SUGP1: variants seen among roughly 807,000 people sequenced by gnomAD.
SUGP1 encodes the protein SURP and G-patch domain-containing protein 1.
Under a neutral mutation model 76.5 loss-of-function variants are expected in SUGP1, and 34 were observed. That is an observed-to-expected ratio of 0.44 (90% CI 0.34 to 0.59). SUGP1 has a LOEUF of 0.59. SUGP1 is among the 20% of genes least tolerant of loss of function. The probability of loss-of-function intolerance (pLI) is 0.01; values close to 1 mark genes in which losing one functional copy is unlikely to be tolerated. For missense variants in SUGP1, 752 were observed against 851.7 expected, an observed-to-expected ratio of 0.88 and a Z score of 1.46; for synonymous variants, 326 against 326.2, an observed-to-expected ratio of 1.00 and a Z score of 0.01.
intron 8 of SUGP1, among the ~76,000 whole-genome samples, chr19:19,289,135 T>C (rs2061163049): frequency 6.6e-6 from 1 of 152,034 alleles, no homozygotes; most frequent in Non-Finnish European, 1.5e-5. Context: ...CCCCATGTTG[T>C]TCAAGGGACA....
intron 4 of SUGP1, 128 bp downstream of exon 4, chr19:19,305,721 G>C: frequency 1.1e-6 from 1 of 894,986 alleles, no homozygotes; most frequent in African/African-American, 1.7e-5. Flanking sequence ...GCTCAGCTCA[G>C]AGGTCTGGTG....
chr19:19,283,851 C>T (rs965673583), intron 8 of SUGP1, among the ~76,000 whole-genome samples: 32 of 152,052 alleles, frequency 2.1e-4, no homozygotes, highest in African/African-American at 7.5e-4. Flanking sequence ...TCCCAAAGTG[C>T]TGGGATTACA....
At position 19,297,067 on chromosome 19, in the gene SUGP1, G is replaced by A; in HGVS notation, c.1165C>T (p.Pro389Ser). 1 of 1,613,206 alleles carries A rather than the reference G, an allele frequency of 6.2e-7. No homozygotes were observed. Among genetic ancestry groups the A allele is most frequent in the East Asian group, 2.2e-5 (1 of 44,870 alleles). ...VKRKRKSRWG[P>S]EEDKVELPPA... is the part of the protein sequence containing the mutation. ...GGGAGCTCTACCTTATCCTCTTCAG[G>A]CCCCCACCGGCTCTTCCGCTTCCTC... The change falls in exon 8 of 14, where the codon CCT (proline) becomes TCT (serine). Residue 389 changes from proline to serine, a missense_variant. Physicochemically the swap from Pro to Ser is moderately conservative, Grantham distance 74. Around this residue, in one of 2 missense-constraint regions of SUGP1, gnomAD observed 620 missense variants for 617.3 expected, o/e 1.00. Coordinates refer to ENST00000247001, the MANE Select transcript of SUGP1 (RefSeq NM_172231.4).
chr19:19,305,928 G>C lies in SUGP1; in HGVS notation c.459C>G (p.Pro153=), dbSNP rs76860541. ...GGAAGACACTCGGGCGGTGCGCCACGGGCAGCTGCTTGGCGTGGGAGTAGC... is the reference window on the plus strand; with the variant it reads ...GGAAGACACTCGGGCGGTGCGCCACCGGCAGCTGCTTGGCGTGGGAGTAGC... ...VKSYSHAKQL[P]VAHRPSVFQS... is the part of the protein sequence containing the mutation. Residue 153 remains proline (P), a synonymous_variant, in exon 4 of 14, where the codon CCC becomes CCG. Transcript: ENST00000247001. 2 of 1,613,492 alleles carry C rather than the reference G, an allele frequency of 1.2e-6. No individual in the cohort carries two copies. The highest frequency in any genetic ancestry group is 3.3e-5 in the Admixed American group (2 of 60,016).
chr19:19,297,657 C>T (rs2061238508), intron 7 of SUGP1, among the ~76,000 whole-genome samples: 1 of 152,204 alleles, frequency 6.6e-6, no homozygotes, highest in Admixed American at 6.5e-5. Flanking sequence ...AGACCCTTCC[C>T]CAGGGCCTGG....
chr19:19,288,247 C>T (rs1445440477), intron 8 of SUGP1, among the ~76,000 whole-genome samples: 5 of 152,060 alleles, frequency 3.3e-5, no homozygotes, highest in African/African-American at 1.2e-4. Context: ...CTCACTGCAG[C>T]CTCAAATTCC....
intron 7 of SUGP1, among the ~76,000 whole-genome samples, chr19:19,301,485 C>T (rs901063230): frequency 2.0e-5 from 3 of 152,210 alleles, no homozygotes; most frequent in Admixed American, 1.3e-4. Flanking sequence ...GTTGCCCCAT[C>T]TGTGATGAAG....
At chr19:19,290,018 G>A (rs949899332) in intron 8 of SUGP1, among the ~76,000 whole-genome samples, 3 of 150,282 alleles carry the variant, frequency 2.0e-5, no homozygotes, top group Non-Finnish European at 4.5e-5. Flanking sequence ...GTGGGTGTGG[G>A]TGATAGGAAA....
At position 19,320,478 on chromosome 19, in the gene SUGP1, T is replaced by A. The variant is rs753871140; in HGVS notation, c.19A>T (p.Asn7Tyr). MSLKMD[N>Y]RDVAGKANRW... ...GGGCTGTTACCTGCAACATCCCGGT[T>A]GTCCATCTTGAGACTCATCCAATCC... Residue 7 changes from asparagine (N) to tyrosine (Y), a missense_variant, in exon 1 of 14, where the codon AAC (asparagine) becomes TAC (tyrosine). Physicochemically the swap from Asn to Tyr is moderately radical, Grantham distance 143 (BLOSUM62 -2). This residue lies in a region of SUGP1 where 620 missense variants were observed against 617.3 expected (regional missense o/e 1.00). Coordinates refer to ENST00000247001, the MANE Select transcript of SUGP1 (RefSeq NM_172231.4). 2 of 1,610,110 alleles carry A rather than the reference T, an allele frequency of 1.2e-6. No homozygotes were observed. Among genetic ancestry groups the A allele is most frequent in the African/African-American group, 1.3e-5 (1 of 74,892 alleles).
Position 19,320,423 on chromosome 19 carries a change from G to A in SUGP1, c.34+40C>T, listed in dbSNP as rs201344446. ...AGTCAGGGGAGACACCTAGCCCCAG[G>A]GACCCAGGCGGCCGCCTGAGAGGAG... is the stretch of plus-strand genomic sequence containing the variant. On this transcript the variant is annotated intron_variant, in intron 1 of 13. Transcript: ENST00000247001. 1.8e-3 allele frequency: 2,889 copies of A among 1,604,628 alleles called. 4 individuals carry two copies. The highest frequency in any genetic ancestry group is 2.1e-3 in the Non-Finnish European group (2,454 of 1,175,796).
chr19:19,300,800 G>A (rs148045432), intron 7 of SUGP1, among the ~76,000 whole-genome samples: 114 of 152,206 alleles, frequency 7.5e-4, no homozygotes, highest in East Asian at 2.7e-3. Flanking sequence ...CAAGCTGGGC[G>A]CCTGTCAGCA....
At chr19:19,318,241 C>T (rs905812396) in intron 1 of SUGP1, among the ~76,000 whole-genome samples, 5 of 151,568 alleles carry the variant, frequency 3.3e-5, no homozygotes, top group African/African-American at 9.7e-5. Flanking sequence ...CCTCAGCCTC[C>T]CGAGTATCTG....
At position 19,278,531 on chromosome 19, in the gene SUGP1, C is replaced by T. The variant is rs189093210; in HGVS notation, c.1635+159G>A. ...GCTGTTTGCTAATTCCCTACACAGA[C>T]GGCGCCTGTCATTAACAGATGCCTC... On this transcript the variant is annotated intron_variant, in intron 11 of 13. Coordinates refer to ENST00000247001, the MANE Select transcript of SUGP1 (RefSeq NM_172231.4). Among the ~76,000 whole-genome samples, 17 of 152,312 alleles carry T rather than the reference C, an allele frequency of 1.1e-4. 1 individual carries two copies. Among genetic ancestry groups the T allele is most frequent in the South Asian group, 1.0e-3 (5 of 4,824 alleles).
chr19:19,282,513 G>C (rs990875622), intron 8 of SUGP1, among the ~76,000 whole-genome samples: 3 of 151,774 alleles, frequency 2.0e-5, no homozygotes, highest in African/African-American at 7.3e-5. Context: ...TTCATGGAGG[G>C]GACCATTCTG....
At chr19:19,285,013 G>A (rs139164770) in intron 8 of SUGP1, among the ~76,000 whole-genome samples, 4,061 of 151,174 alleles carry the variant, frequency 0.027, 183 homozygotes, top group African/African-American at 0.095. Context: ...GACTACAGGC[G>A]CCCGCCACCG....
intron 8 of SUGP1, among the ~76,000 whole-genome samples, chr19:19,295,900 T>C (rs983249594): frequency 6.6e-6 from 1 of 152,000 alleles, no homozygotes; most frequent in Non-Finnish European, 1.5e-5. Context: ...AGGACTAAAA[T>C]AGACATTTCT....
At chr19:19,279,070 G>T in intron 10 of SUGP1, 143 bp downstream of exon 10, 1 of 967,614 alleles carries the variant, frequency 1.0e-6, no homozygotes, top group Non-Finnish European at 1.5e-6. Flanking sequence ...TCTCACTCCA[G>T]GCCTCACAGC....
intron 1 of SUGP1, 53 bp downstream of exon 1, chr19:19,320,410 C>T: frequency 6.3e-7 from 1 of 1,596,540 alleles, no homozygotes; most frequent in South Asian, 1.1e-5. Context: ...TCAGGGGAGA[C>T]ACCTAGCCCC....
chr19:19,300,218 G>A (rs1348424432), intron 7 of SUGP1, among the ~76,000 whole-genome samples: 1 of 152,062 alleles, frequency 6.6e-6, no homozygotes, highest in Non-Finnish European at 1.5e-5. Flanking sequence ...TGGGATTATA[G>A]GCACATGACA....
Sources: gnomAD v4.1 joint callset for allele counts (sites outside exome capture counted in the v4.1 genomes callset) on GRCh38, gnomAD v4.1.1 for gene constraint, gnomAD v4.1.1 regional missense constraint, MANE v1.5 for transcripts, NCBI Gene and HGNC (gene_info 2026-07-23, HGNC 2026-07-21) for gene names.